The following FRMPD2 variants were observed in gnomAD, a reference collection of about 807,000 sequenced individuals.
FRMPD2 encodes FERM and PDZ domain containing 2.
Under a neutral mutation model 140.1 loss-of-function variants are expected in FRMPD2, and 96 were observed. The ratio of observed to expected loss-of-function variants is 0.69; its 90% CI spans 0.58 to 0.81. The LOEUF (loss-of-function observed/expected upper bound fraction) is 0.81, where lower values mean the gene tolerates loss of function less well. Ranked by LOEUF, FRMPD2 falls within the 40% of genes least tolerant of loss-of-function variation. The probability of loss-of-function intolerance (pLI) is 0.00; values close to 1 mark genes in which losing one functional copy is unlikely to be tolerated. For missense variants in FRMPD2, 1,240 were observed against 1,447.4 expected, an observed-to-expected ratio of 0.86 and a Z score of 2.32; for synonymous variants, 449 against 547.6, an observed-to-expected ratio of 0.82 and a Z score of 2.52.
Position 48,163,758 on chromosome 10 carries a change from T to C in FRMPD2, c.3538-87A>G. ...AAAGCTTTTTTCCCCCATGTGATTA[T>C]AGATCAGAGTAGTTACAAGATGGGC... On this transcript the variant is annotated intron_variant, in intron 27 of 28. Transcript: ENST00000374201. The C allele has an allele frequency of 6.2e-6, 4 of 642,392 alleles. No individual in the cohort carries two copies. The South Asian group carries it at 7.8e-5, about 12-fold the overall frequency. 39.8% of individuals were successfully genotyped at this position (642,392 alleles called of 1,614,324 possible). A position where few individuals can be genotyped will look rare whatever the true frequency, so the allele number is the denominator to read the frequency against.
intron 5 of FRMPD2, among the ~76,000 whole-genome samples, chr10:48,241,889 G>C (rs1413257000): frequency 6.6e-6 from 1 of 152,262 alleles, no homozygotes; most frequent in East Asian, 1.9e-4. Flanking sequence ...AAGATGTCAA[G>C]GGTCTTAGCC....
At chr10:48,216,803 G>C (rs1839461294) in intron 12 of FRMPD2, among the ~76,000 whole-genome samples, 1 of 152,208 alleles carries the variant, frequency 6.6e-6, no homozygotes, top group Admixed American at 6.5e-5. Context: ...TACTGAACCA[G>C]AGGCCACAGC....
chr10:48,262,386 A>G (rs1840607123), intron 1 of FRMPD2, among the ~76,000 whole-genome samples: 1 of 152,238 alleles, frequency 6.6e-6, no homozygotes, highest in Non-Finnish European at 1.5e-5. Context: ...AGAGAAAATT[A>G]TCAGGAATAC....
Position 48,232,170 on chromosome 10 carries a change from C to G in FRMPD2, c.1113G>C (p.Val371=), listed in dbSNP as rs760006663. ...GTTCCTCGAGGTTGGCAAAGGATGT[C>G]ACGGCATTGAAGACAGCTCCCACTG... is the stretch of plus-strand genomic sequence containing the variant. ...ESTVGAVFNA[V]TSFANLEELT... is the part of the protein sequence containing the mutation. The change falls in exon 10 of 29, where the codon GTG becomes GTC. Residue 371 remains valine, a synonymous_variant. Transcript: ENST00000374201. 3.6e-5 allele frequency: 58 copies of G among 1,614,070 alleles called. 1 individual carries two copies. In the East Asian group the frequency reaches 1.2e-3, roughly 34 times the overall value.
At chr10:48,167,613 A>T (rs1838130765) in intron 27 of FRMPD2, among the ~76,000 whole-genome samples, 1 of 119,452 alleles carries the variant, frequency 8.4e-6, no homozygotes, top group Non-Finnish European at 1.8e-5. Context: ...CAGGCCCCAT[A>T]AAACCTCCCA....
chr10:48,255,140 C>T (rs1041711102), intron 1 of FRMPD2, among the ~76,000 whole-genome samples: 1 of 152,148 alleles, frequency 6.6e-6, no homozygotes, highest in Non-Finnish European at 1.5e-5. Context: ...CAGATCTCAC[C>T]TACATAGACT....
At chr10:48,185,706 C>T in intron 17 of FRMPD2, 61 bp from the exon 18 acceptor site, 2 of 1,264,976 alleles carry the variant, frequency 1.6e-6, no homozygotes, top group Non-Finnish European at 2.3e-6. Context: ...GGAGCTAATA[C>T]AAAAGGAGTA....
rs578121739 is a variant in FRMPD2, at chr10:48,263,658, G to T, written c.25+10885C>A. Reference sequence around the variant, plus strand: ...ACATAAATTGAATTAATAATTAATGGCCTTCCAAAACATAAAGCACCAGGC... The same window carrying T: ...ACATAAATTGAATTAATAATTAATGTCCTTCCAAAACATAAAGCACCAGGC... On this transcript the variant is annotated intron_variant, in intron 1 of 28. Coordinates refer to ENST00000374201, the MANE Select transcript of FRMPD2 (RefSeq NM_001018071.4). Among the ~76,000 whole-genome samples the T allele has an allele frequency of 4.6e-5, 7 of 152,092 alleles. No individual in the cohort carries two copies. The South Asian group carries it at 1.5e-3, about 32-fold the overall frequency.
intron 9 of FRMPD2, among the ~76,000 whole-genome samples, chr10:48,234,902 G>A (rs530112594): frequency 5.2e-4 from 79 of 152,268 alleles, no homozygotes; most frequent in Non-Finnish European, 1.0e-3. Flanking sequence ...GGGGAAGCTG[G>A]CCCCCATCAC....
chr10:48,237,774 C>T (rs1840003442), intron 8 of FRMPD2, among the ~76,000 whole-genome samples: 1 of 152,128 alleles, frequency 6.6e-6, no homozygotes, highest in Non-Finnish European at 1.5e-5. Flanking sequence ...ACATCTTATA[C>T]AGCGTCCCCC....
chr10:48,263,679 C>A (rs1291738199), intron 1 of FRMPD2, among the ~76,000 whole-genome samples: 1 of 151,986 alleles, frequency 6.6e-6, no homozygotes, highest in Non-Finnish European at 1.5e-5. Context: ...CATAAAGCAC[C>A]AGGCCCAAAG....
Position 48,201,223 on chromosome 10 carries a change from C to A in FRMPD2, c.1954+5G>T. The A allele has an allele frequency of 6.2e-7, 1 of 1,600,870 alleles. No homozygotes were observed. The highest frequency in any genetic ancestry group is 8.5e-7 in the Non-Finnish European group (1 of 1,173,386). ...GTGTATATGGAGAATACAGCTTCTA[C>A]TCACCAAATAAAACATGGGAAGGCT... is the stretch of plus-strand genomic sequence containing the variant. On this transcript the variant is annotated splice_donor_5th_base_variant and intron_variant, in intron 15 of 28. Coordinates refer to ENST00000374201, the MANE Select transcript of FRMPD2 (RefSeq NM_001018071.4).
At chr10:48,221,902 GTGGA>G (rs1003420089) in intron 12 of FRMPD2, among the ~76,000 whole-genome samples, 1 of 150,894 alleles carries the variant, frequency 6.6e-6, no homozygotes, top group Non-Finnish European at 1.5e-5. Flanking sequence ...GGGTGGGTGA[GTGGA>G]TGGATGGATG....
chr10:48,269,527 G>A (rs1453909839), intron 1 of FRMPD2, among the ~76,000 whole-genome samples: 1 of 152,178 alleles, frequency 6.6e-6, no homozygotes, highest in Non-Finnish European at 1.5e-5. Flanking sequence ...TTCACGGAGA[G>A]CATAGCCTTC....
chr10:48,244,134 A>G (rs572753882), intron 4 of FRMPD2, among the ~76,000 whole-genome samples: 14 of 152,094 alleles, frequency 9.2e-5, no homozygotes, highest in Non-Finnish European at 1.3e-4. Context: ...ATAGGCATAC[A>G]CCACCACACC....
chr10:48,218,332 A>C (rs529332899), intron 12 of FRMPD2, among the ~76,000 whole-genome samples: 1 of 152,352 alleles, frequency 6.6e-6, no homozygotes, highest in South Asian at 2.1e-4. Context: ...ATGACGTAGC[A>C]GACTAGAACT....
chr10:48,206,748 A>T lies in FRMPD2; in HGVS notation c.1797T>A (p.Tyr599Ter). The T allele has an allele frequency of 6.2e-7, 1 of 1,613,256 alleles. No homozygotes were observed. Among genetic ancestry groups the T allele is most frequent in the Non-Finnish European group, 8.5e-7 (1 of 1,179,224 alleles). The change falls in exon 14 of 29, where the codon TAT becomes TAA. Residue 599 changes from tyrosine to a stop codon, truncating the protein, a stop_gained and splice_region_variant. Transcript: ENST00000374201. LOFTEE classifies it high-confidence loss of function. The part of the protein sequence containing the change: ...QWRETGKIST[Y>*]QKKFTITSSV... ...TATTTATCAACTGAGCTACACTCAC[A>T]TAAGTAGAAATCTTCCCGGTTTCTC...
intron 25 of FRMPD2, among the ~76,000 whole-genome samples, chr10:48,172,539 A>G (rs2132407131): frequency 6.6e-6 from 1 of 152,136 alleles, no homozygotes; most frequent in East Asian, 1.9e-4. Flanking sequence ...TAGATTCCTG[A>G]ACCTTCTCTC....
At chr10:48,206,167 T>C (rs77529157) in intron 14 of FRMPD2, among the ~76,000 whole-genome samples, 1,778 of 152,266 alleles carry the variant, frequency 0.012, 27 homozygotes, top group African/African-American at 0.039. Context: ...AGTGTTCAAG[T>C]AGATTCCAAA....
Sources: gnomAD v4.1 joint callset for allele counts (sites outside exome capture counted in the v4.1 genomes callset) on GRCh38, gnomAD v4.1.1 for gene constraint, MANE v1.5 for transcripts, NCBI Gene and HGNC (gene_info 2026-07-23, HGNC 2026-07-21) for gene names.